TJP2: variants seen among roughly 807,000 people sequenced by gnomAD.
TJP2 encodes the protein tight junction protein 2, also known as Friedreich ataxia region gene X104 (tight junction protein ZO-2).
In TJP2, 91 loss-of-function variants were observed where a neutral mutation model predicts 133.1. That is an observed-to-expected ratio of 0.68 (90% CI 0.58 to 0.81). The LOEUF is 0.81. Among genes scored for constraint, TJP2 ranks in the 40% least tolerant of loss-of-function variants. TJP2 has a pLI of 0.00. For synonymous variants in TJP2, 592 were observed against 583.4 expected (o/e 1.01, Z -0.21); for missense variants, 1,541 against 1,565.6 (o/e 0.98, Z 0.26).
chr9:69,234,257 G>A (rs1334921509), intron 11 of TJP2, among the ~76,000 whole-genome samples, 182 bp from the exon 12 acceptor site: 1 of 152,144 alleles, frequency 6.6e-6, no homozygotes, highest in Non-Finnish European at 1.5e-5. Context: ...TGCTGGGCGC[G>A]AGGACTTGAA....
rs1437180107 is a variant in TJP2 at position 69,237,941 on chromosome 9, C to T, written c.2243C>T (p.Ala748Val). ...PIADIAMEKL[A>V]NELPDWFQTA... ...GCTGATATAGCAATGGAAAAATTGG[C>T]TAATGAGTTACCTGACTGGTTTCAA... The change falls in exon 15 of 23, where the codon GCT becomes GTT. Residue 748 changes from alanine to valine, a missense_variant. Coordinates refer to ENST00000377245, the MANE Select transcript of TJP2 (RefSeq NM_004817.4). The T allele has an allele frequency of 1.9e-6, 3 of 1,613,510 alleles. No individual in the cohort carries two copies. In the Admixed American group the frequency reaches 5.0e-5, roughly 27 times the overall value.
intron 11 of TJP2, 68 bp from the exon 12 acceptor site, chr9:69,234,371 T>A: frequency 8.8e-7 from 1 of 1,131,114 alleles, no homozygotes; most frequent in Non-Finnish European, 1.2e-6. Flanking sequence ...TTCTCTGTTT[T>A]TTCTTTCTTT....
chr9:69,227,995 C>T lies in TJP2; in HGVS notation c.1334C>T (p.Thr445Met), dbSNP rs755381719. ...ATGTGATTCAGTTCCAGAGAGGACA[C>T]GCCGAGCAGATTGTCCAGGATGGGT... ...LKERPSSRED[T>M]PSRLSRMGAT... Residue 445 changes from threonine to methionine, a missense_variant, in exon 9 of 23, where the codon ACG becomes ATG. Physicochemically the swap from Thr to Met is moderately conservative, Grantham distance 81 (BLOSUM62 -1). Coordinates refer to ENST00000377245, the MANE Select transcript of TJP2 (RefSeq NM_004817.4). 17 of 1,614,016 alleles carry T rather than the reference C, an allele frequency of 1.1e-5. No individual in the cohort carries two copies. The highest frequency in any genetic ancestry group is 1.6e-4 in the Middle Eastern group (1 of 6,084).
intron 2 of TJP2, among the ~76,000 whole-genome samples, chr9:69,215,330 T>G (rs1455856726): frequency 6.6e-6 from 1 of 151,546 alleles, no homozygotes; most frequent in African/African-American, 2.4e-5. Flanking sequence ...AAAATAAAAT[T>G]AAAAAGGATT....
intron 1 of TJP2, among the ~76,000 whole-genome samples, chr9:69,130,374 T>C (rs777210418): frequency 3.6e-4 from 54 of 151,946 alleles, no homozygotes; most frequent in Non-Finnish European, 6.3e-4. Context: ...GTGGGATAGG[T>C]GAGTGGAAGT....
intron 1 of TJP2, among the ~76,000 whole-genome samples, chr9:69,151,204 G>T (rs1286590137): frequency 6.6e-6 from 1 of 152,176 alleles, no homozygotes; most frequent in East Asian, 1.9e-4. Flanking sequence ...ATTGTGGGCC[G>T]GGCGCAGTGG....
At chr9:69,206,261 G>C (rs1044111291) in intron 1 of TJP2, among the ~76,000 whole-genome samples, 1 of 152,180 alleles carries the variant, frequency 6.6e-6, no homozygotes, top group Middle Eastern at 3.4e-3. Context: ...GGATTAAAAA[G>C]GTGACTTGGC....
intron 1 of TJP2, among the ~76,000 whole-genome samples, chr9:69,193,108 G>T (rs766686774): frequency 2.5e-4 from 38 of 151,938 alleles, no homozygotes; most frequent in Non-Finnish European, 4.7e-4. Context: ...TAGAGACAGG[G>T]TTTCACCATG....
intron 1 of TJP2, among the ~76,000 whole-genome samples, chr9:69,128,524 A>AT (rs149373683): frequency 1.9e-4 from 23 of 121,340 alleles, no homozygotes; most frequent in East Asian, 4.6e-4. Context: ...TTATTAGACC[A>AT]TTTTTTTTTT....
intron 3 of TJP2, among the ~76,000 whole-genome samples, chr9:69,217,654 CCTT>C (rs1828491303): frequency 6.6e-6 from 1 of 152,038 alleles, no homozygotes; most frequent in Non-Finnish European, 1.5e-5. Context: ...CTACTGCAGT[CCTT>C]CCTGGGTGAG....
intron 1 of TJP2, among the ~76,000 whole-genome samples, chr9:69,192,984 C>T (rs1826308452): frequency 1.3e-5 from 2 of 148,178 alleles, no homozygotes; most frequent in South Asian, 4.3e-4. Flanking sequence ...TCCAGTGGCA[C>T]AGTCTCAGCT....
At chr9:69,152,912 G>A (rs1218932815) in intron 2 of TJP2, among the ~76,000 whole-genome samples, 1 of 132,958 alleles carries the variant, frequency 7.5e-6, no homozygotes, top group East Asian at 2.4e-4. Context: ...CTCACTGCAA[G>A]CTCCGCCCTC....
At chr9:69,222,527 C>T (rs1303370639) in intron 5 of TJP2, among the ~76,000 whole-genome samples, 1 of 152,170 alleles carries the variant, frequency 6.6e-6, no homozygotes, top group Non-Finnish European at 1.5e-5. Flanking sequence ...ATGCCTAACA[C>T]CAATTCGTTC....
At chr9:69,251,790 T>C (rs1454820748) in intron 21 of TJP2, among the ~76,000 whole-genome samples, 7 of 152,204 alleles carry the variant, frequency 4.6e-5, no homozygotes, top group Admixed American at 4.6e-4. Context: ...TTTGAATTTG[T>C]ATACCATATG....
At chr9:69,190,255 T>C (rs78706322) in intron 1 of TJP2, among the ~76,000 whole-genome samples, 2,470 of 152,328 alleles carry the variant, frequency 0.016, 59 homozygotes, top group African/African-American at 0.056. Flanking sequence ...GTTCTCTGTG[T>C]CCAACACAAT....
chr9:69,154,109 T>C (rs770423435), intron 2 of TJP2, among the ~76,000 whole-genome samples: 5 of 152,212 alleles, frequency 3.3e-5, no homozygotes, highest in Non-Finnish European at 4.4e-5. Context: ...TTTAAATGAT[T>C]CCTTTGTGGT....
intron 2 of TJP2, among the ~76,000 whole-genome samples, chr9:69,167,547 C>T (rs963214080): frequency 2.0e-5 from 3 of 152,112 alleles, no homozygotes; most frequent in Admixed American, 6.6e-5. Flanking sequence ...CCTTAAGTTA[C>T]TTGCTTTAAT....
chr9:69,127,075 T>TC (rs201409583), intron 1 of TJP2, among the ~76,000 whole-genome samples: 12,146 of 62,434 alleles, frequency 0.19, 4,962 homozygotes, highest in East Asian at 0.72. Flanking sequence ...TCTCTCTCTC[T>TC]TTTTTTTTTT....
chr9:69,219,035 T>A (rs1277468919), intron 4 of TJP2, among the ~76,000 whole-genome samples: 1 of 151,604 alleles, frequency 6.6e-6, no homozygotes, highest in Non-Finnish European at 1.5e-5. Flanking sequence ...AATGGCACGA[T>A]CTTGGCTGAC....
Sources: allele counts gnomAD v4.1 joint callset (sites outside exome capture counted in the v4.1 genomes callset), GRCh38; gene constraint gnomAD v4.1.1; transcripts MANE v1.5; gene names NCBI Gene and HGNC (gene_info 2026-07-23, HGNC 2026-07-21).